The following GATA4 variants were observed in gnomAD, a reference collection of about 807,000 sequenced individuals.
GATA4 encodes the protein transcription factor GATA-4.
In GATA4, 7 loss-of-function variants were observed where a neutral mutation model predicts 37.9. The observed-to-expected ratio is 0.18, with a 90% CI of 0.11 to 0.35. GATA4 has a LOEUF of 0.35. Ranked by LOEUF, GATA4 falls within the 10% of genes least tolerant of loss-of-function variation. The probability of loss-of-function intolerance (pLI) is 1.00; values close to 1 mark genes in which losing one functional copy is unlikely to be tolerated. For synonymous variants in GATA4, 372 were observed against 292.6 expected, an observed-to-expected ratio of 1.27 and a Z score of -2.77; for missense variants, 647 against 653.0, an observed-to-expected ratio of 0.99 and a Z score of 0.10.
intron 6 of GATA4, 55 bp from the exon 7 acceptor site, chr8:11,758,238 C>T: frequency 6.3e-7 from 1 of 1,597,622 alleles, no homozygotes; most frequent in African/African-American, 1.3e-5. Flanking sequence ...GCCTAGACCT[C>T]CCAAGCCCTC....
intron 2 of GATA4, among the ~76,000 whole-genome samples, chr8:11,739,873 G>T (rs1801644468): frequency 1.3e-5 from 2 of 152,172 alleles, no homozygotes; most frequent in African/African-American, 4.8e-5. Flanking sequence ...TCACGAAATA[G>T]CCCAGACCCA....
At chr8:11,706,412 T>C (rs1034509645) in intron 1 of GATA4, among the ~76,000 whole-genome samples, 1 of 152,242 alleles carries the variant, frequency 6.6e-6, no homozygotes, top group Non-Finnish European at 1.5e-5. Flanking sequence ...TTTAGAACTT[T>C]CTTTTTGCCT....
Position 11,756,875 on chromosome 8 carries a change from T to C in GATA4, c.1001-60T>C. On this transcript the variant is annotated intron_variant, in intron 5 of 6. Transcript: ENST00000532059. Reference sequence around the variant, plus strand: ...CACCCATCCCGGCTGTCTCGCAGGCTGCCGGCTGTTCGTTTGTCCCTGCCG... The same window carrying C: ...CACCCATCCCGGCTGTCTCGCAGGCCGCCGGCTGTTCGTTTGTCCCTGCCG... 4 of 1,612,246 alleles carry C rather than the reference T, an allele frequency of 2.5e-6. No individual in the cohort carries two copies. The South Asian group carries it at 4.4e-5, about 18-fold the overall frequency.
chr8:11,725,052 C>T (rs895140610), intron 2 of GATA4, among the ~76,000 whole-genome samples: 1 of 152,244 alleles, frequency 6.6e-6, no homozygotes, highest in Non-Finnish European at 1.5e-5. Context: ...ACGTTTGCTT[C>T]ACCGCCTTTC....
intron 2 of GATA4, among the ~76,000 whole-genome samples, chr8:11,725,722 C>T (rs975689081): frequency 6.6e-6 from 1 of 152,214 alleles, no homozygotes; most frequent in Non-Finnish European, 1.5e-5. Flanking sequence ...GCAGCCTTGG[C>T]TCACAGCGAG....
upstream of GATA4, among the ~76,000 whole-genome samples, chr8:11,701,503 GGCCCAGC>G (rs1799675664): frequency 6.6e-6 from 1 of 152,146 alleles, no homozygotes; most frequent in Non-Finnish European, 1.5e-5. Context: ...TCCAGCCGGC[GGCCCAGC>G]GAGGCCTTGA....
At chr8:11,684,227 C>G (rs577348099) in intron 1 of GATA4, among the ~76,000 whole-genome samples, 1 of 152,292 alleles carries the variant, frequency 6.6e-6, no homozygotes, top group East Asian at 1.9e-4. Flanking sequence ...ATATTTGCTG[C>G]CAGGTGAGAG....
At chr8:11,687,322 C>G (rs888296237) in intron 1 of GATA4, among the ~76,000 whole-genome samples, 1 of 152,082 alleles carries the variant, frequency 6.6e-6, no homozygotes, top group Non-Finnish European at 1.5e-5. Context: ...CATAGACCAC[C>G]CTCCCCCCGC....
chr8:11,723,046 T>A (rs955845758), intron 2 of GATA4, among the ~76,000 whole-genome samples: 8 of 152,208 alleles, frequency 5.3e-5, no homozygotes, highest in Admixed American at 1.3e-4. Flanking sequence ...TTCAGCATGA[T>A]TAAGAACTCA....
At chr8:11,697,808 G>C (rs919697850) in intron 1 of GATA4, 52 of 985,360 alleles carry the variant, frequency 5.3e-5, no homozygotes, top group Non-Finnish European at 5.7e-5. Flanking sequence ...GAGGGCAAGG[G>C]TGCCGGGCCG....
rs1802768523 is a variant in GATA4, at chr8:11,759,331, T to A, written c.*856T>A. Reference sequence around the variant, plus strand: ...GGTTCTGAGTAAGAACAAAACGTTCTGCTGCTCAAGCCAGTCTGGCAAGCA... The same window carrying A: ...GGTTCTGAGTAAGAACAAAACGTTCAGCTGCTCAAGCCAGTCTGGCAAGCA... On this transcript the variant is annotated 3_prime_UTR_variant, in exon 7 of 7. Coordinates refer to ENST00000532059, the MANE Select transcript of GATA4 (RefSeq NM_001308093.3). The A allele has an allele frequency of 6.5e-6, 1 of 152,802 alleles. No homozygotes were observed. Among genetic ancestry groups the A allele is most frequent in the South Asian group, 2.1e-4 (1 of 4,848 alleles). 9.5% of individuals were successfully genotyped at this position (152,802 alleles called of 1,614,324 possible).
intron 1 of GATA4, chr8:11,683,206 C>G: frequency 2.3e-6 from 2 of 877,080 alleles, no homozygotes; most frequent in Non-Finnish European, 2.7e-6. Flanking sequence ...CATTAGACCT[C>G]AGCATTTATC....
At position 11,756,982 on chromosome 8, in the gene GATA4, A is replaced by G; in HGVS notation, c.1048A>G (p.Asn350Asp). The G allele has an allele frequency of 6.2e-7, 1 of 1,614,246 alleles. No individual in the cohort carries two copies. Among genetic ancestry groups the G allele is most frequent in the Middle Eastern group, 1.6e-4 (1 of 6,062 alleles). ...TCCTCCCGCCAGCGGTGCTTCCAGC[A>G]ACTCCAGCAACGCCACCACCAGCAG... ...SLPPASGASS[N>D]SSNATTSSSE... The change falls in exon 6 of 7, where the codon AAC becomes GAC. Residue 350 changes from asparagine (N) to aspartate (D), a missense_variant. Coordinates refer to ENST00000532059, the MANE Select transcript of GATA4 (RefSeq NM_001308093.3).
intron 2 of GATA4, among the ~76,000 whole-genome samples, chr8:11,731,964 G>C (rs978510205): frequency 2.0e-5 from 3 of 152,212 alleles, no homozygotes; most frequent in Non-Finnish European, 4.4e-5. Context: ...CCAAGCCTCA[G>C]TGTTATCCTG....
At chr8:11,741,298 T>C (rs1801726854) in intron 2 of GATA4, among the ~76,000 whole-genome samples, 1 of 151,960 alleles carries the variant, frequency 6.6e-6, no homozygotes, top group Admixed American at 6.5e-5. Flanking sequence ...GGCAACATAG[T>C]GAGACCCCAT....
At chr8:11,754,703 A>G (rs1189246018) in intron 4 of GATA4, among the ~76,000 whole-genome samples, 1 of 152,058 alleles carries the variant, frequency 6.6e-6, no homozygotes, top group African/African-American at 2.4e-5. Context: ...TCACCCCAGG[A>G]CAGAGTTTAG....
chr8:11,697,743 G>C, intron 1 of GATA4: 2 of 985,458 alleles, frequency 2.0e-6, no homozygotes, highest in Non-Finnish European at 2.4e-6. Flanking sequence ...TGCTCGCCGC[G>C]CCAGGTCGCG....
intron 2 of GATA4, among the ~76,000 whole-genome samples, chr8:11,727,074 C>T (rs1467076988): frequency 6.6e-6 from 1 of 152,166 alleles, no homozygotes; most frequent in Admixed American, 6.5e-5. Context: ...CTCTCAGCCT[C>T]ATCATAACAA....
intron 2 of GATA4, among the ~76,000 whole-genome samples, chr8:11,733,883 T>C (rs1337290692): frequency 1.3e-5 from 2 of 152,240 alleles, no homozygotes; most frequent in Non-Finnish European, 2.9e-5. Flanking sequence ...GAAGTCACTA[T>C]GCAACTTCCA....
Sources: allele counts gnomAD v4.1 joint callset (sites outside exome capture counted in the v4.1 genomes callset), GRCh38; gene constraint gnomAD v4.1.1; transcripts MANE v1.5; gene names NCBI Gene and HGNC (gene_info 2026-07-23, HGNC 2026-07-21).